Variants in KAZN observed in about 807,000 individuals in gnomAD.
KAZN encodes kazrin.
In KAZN, 40 loss-of-function variants were observed where a neutral mutation model predicts 87.4. That is an observed-to-expected ratio of 0.46 (90% CI 0.36 to 0.60). The LOEUF is 0.60. Ranked by LOEUF, KAZN falls within the 20% of genes least tolerant of loss-of-function variation. The probability of loss-of-function intolerance (pLI) is 0.00; values close to 1 mark genes in which losing one functional copy is unlikely to be tolerated. For synonymous variants in KAZN, 466 were observed against 458.3 expected, an observed-to-expected ratio of 1.02 and a Z score of -0.22; for missense variants, 898 against 1,073.9, an observed-to-expected ratio of 0.84 and a Z score of 2.29.
At chr1:14,074,798 A>C (rs1368531089) in intron 1 of KAZN, among the ~76,000 whole-genome samples, 1 of 152,158 alleles carries the variant, frequency 6.6e-6, no homozygotes, top group East Asian at 1.9e-4. Context: ...TTCCAAGCCC[A>C]CCTCTGCCAA....
At chr1:14,531,508 G>A (rs1672207487) in intron 2 of KAZN, among the ~76,000 whole-genome samples, 1 of 152,192 alleles carries the variant, frequency 6.6e-6, no homozygotes, top group Admixed American at 6.5e-5. Context: ...ACTGGGTCTT[G>A]GCTTTGGGAA....
chr1:14,097,240 G>T (rs1319723992), intron 1 of KAZN, among the ~76,000 whole-genome samples: 1 of 152,178 alleles, frequency 6.6e-6, no homozygotes, highest in East Asian at 1.9e-4. Context: ...ATAGTCCAGG[G>T]AACTTAGATA....
rs1056237277 is a variant in KAZN at position 15,056,886 on chromosome 1, C to G, written c.916+606C>G. Among the ~76,000 whole-genome samples the G allele has an allele frequency of 6.6e-6, 1 of 152,270 alleles. No individual in the cohort carries two copies. Among genetic ancestry groups the G allele is most frequent in the Admixed American group, 6.5e-5 (1 of 15,288 alleles). On this transcript the variant is annotated intron_variant, in intron 5 of 14. Transcript: ENST00000376030. The surrounding 1 kb of genome is among the most constrained non-coding windows in gnomAD (Gnocchi z 5.4). ...AACAGGCTCCAAACTTCTCGCTGTC[C>G]TGTTGCACGTCTGCAGGCCACCTTG...
intron 2 of KAZN, among the ~76,000 whole-genome samples, chr1:14,487,661 C>A (rs1276580122): frequency 2.6e-5 from 4 of 152,216 alleles, no homozygotes; most frequent in African/African-American, 9.6e-5. Flanking sequence ...CTCTGTGTGA[C>A]AACTGAACCA....
intron 8 of KAZN, among the ~76,000 whole-genome samples, chr1:15,092,445 G>T (rs958956446): frequency 2.0e-5 from 3 of 150,384 alleles, no homozygotes; most frequent in Non-Finnish European, 3.0e-5. Context: ...GTGTGTGTGT[G>T]TTTTTATTTG....
At chr1:14,543,985 CAT>C (rs1192969335) in intron 2 of KAZN, among the ~76,000 whole-genome samples, 8 of 152,166 alleles carry the variant, frequency 5.3e-5, no homozygotes, top group African/African-American at 9.7e-5. Context: ...TGTCTAAACA[CAT>C]GTTTAATAAG....
intron 2 of KAZN, among the ~76,000 whole-genome samples, chr1:14,427,120 C>T (rs1480555503): frequency 2.0e-5 from 3 of 152,188 alleles, no homozygotes; most frequent in Non-Finnish European, 2.9e-5. Flanking sequence ...GCAGAACTGA[C>T]CCAGTTTTCT....
At chr1:14,581,063 C>G (rs774924845) in intron 2 of KAZN, among the ~76,000 whole-genome samples, 2 of 152,104 alleles carry the variant, frequency 1.3e-5, no homozygotes, top group Non-Finnish European at 2.9e-5. Context: ...ATTTCATCCA[C>G]TCTTGGGCCT....
At chr1:14,643,247 GCCTTACAGGTTATTTCATCA>G (rs1247895629) in intron 1 of KAZN, among the ~76,000 whole-genome samples, 1 of 152,184 alleles carries the variant, frequency 6.6e-6, no homozygotes, top group Non-Finnish European at 1.5e-5. Flanking sequence ...AGGGGGAGTT[GCCTTACAGGTTATTTCATCA>G]CCTCGGTATT....
intron 1 of KAZN, among the ~76,000 whole-genome samples, chr1:14,164,482 T>TGTGTG (rs1553137963): frequency 2.9e-5 from 3 of 102,970 alleles, no homozygotes; most frequent in South Asian, 6.7e-4. Flanking sequence ...GTGTGTGTGT[T>TGTGTG]TGTAAATCTA....
Position 14,996,954 on chromosome 1 carries a change from G to C in KAZN, c.418+36079G>C, listed in dbSNP as rs1475816466. ...TCTGTTCCTCAAATGCTCTGAGGCT[G>C]TGTGTTCCCCCAGGCACCCTGTGCT... On this transcript the variant is annotated intron_variant, in intron 2 of 14. Coordinates refer to ENST00000376030, the MANE Select transcript of KAZN (RefSeq NM_201628.3). The surrounding 1 kb of genome is among the most constrained non-coding windows in gnomAD (Gnocchi z 5.9). Among the ~76,000 whole-genome samples, 1 of 152,166 alleles carries C rather than the reference G, an allele frequency of 6.6e-6. No individual in the cohort carries two copies. Among genetic ancestry groups the C allele is most frequent in the African/African-American group, 2.4e-5 (1 of 41,438 alleles).
chr1:14,806,180 C>G (rs1344955854), intron 1 of KAZN, among the ~76,000 whole-genome samples: 1 of 152,184 alleles, frequency 6.6e-6, no homozygotes, highest in Non-Finnish European at 1.5e-5. Context: ...TGAAGCTCCT[C>G]AAGGGTGTGG....
At chr1:15,091,891 C>T (rs561614627) in intron 8 of KAZN, among the ~76,000 whole-genome samples, 5 of 152,202 alleles carry the variant, frequency 3.3e-5, no homozygotes, top group African/African-American at 1.2e-4. Context: ...ATATTCTCCC[C>T]AGCACAGAAA....
intron 2 of KAZN, among the ~76,000 whole-genome samples, chr1:14,986,435 G>A (rs1230034629): frequency 6.6e-6 from 1 of 152,214 alleles, no homozygotes; most frequent in Non-Finnish European, 1.5e-5. Context: ...CTTGTGTACA[G>A]TGATATTACT....
At chr1:14,247,671 C>G (rs1178634531) in intron 2 of KAZN, among the ~76,000 whole-genome samples, 1 of 152,152 alleles carries the variant, frequency 6.6e-6, no homozygotes, top group Non-Finnish European at 1.5e-5. Context: ...TCAAATGAGA[C>G]CATTCAAGGT....
intron 1 of KAZN, among the ~76,000 whole-genome samples, chr1:14,658,614 A>G (rs1421179884): frequency 6.6e-6 from 1 of 152,164 alleles, no homozygotes; most frequent in Non-Finnish European, 1.5e-5. Flanking sequence ...ATATGTATAT[A>G]TATATATGAC....
At chr1:14,768,264 T>C (rs1644936002) in intron 1 of KAZN, among the ~76,000 whole-genome samples, 1 of 152,202 alleles carries the variant, frequency 6.6e-6, no homozygotes, top group Non-Finnish European at 1.5e-5. Context: ...TTATTTGTTA[T>C]AAATGAATTT....
At chr1:14,844,635 G>C (rs1350326110) in intron 1 of KAZN, among the ~76,000 whole-genome samples, 7 of 152,180 alleles carry the variant, frequency 4.6e-5, no homozygotes, top group Non-Finnish European at 7.3e-5. Flanking sequence ...ATATATTTTT[G>C]TCCCATCTGA....
chr1:14,244,475 C>T (rs1649304757), intron 2 of KAZN, among the ~76,000 whole-genome samples: 1 of 152,182 alleles, frequency 6.6e-6, no homozygotes, highest in African/African-American at 2.4e-5. Flanking sequence ...GTTTTCCAAG[C>T]TCTATGCTAG....
Sources: gnomAD v4.1 joint callset for allele counts (sites outside exome capture counted in the v4.1 genomes callset) on GRCh38, gnomAD v4.1.1 for gene constraint, Gnocchi (gnomAD v3.1) non-coding constraint, MANE v1.5 for transcripts, NCBI Gene and HGNC (gene_info 2026-07-23, HGNC 2026-07-21) for gene names.